The following DIAPH2 variants were observed in gnomAD, a reference collection of about 807,000 sequenced individuals.
DIAPH2 encodes the protein protein diaphanous homolog 2.
DIAPH2 carries 35 observed loss-of-function variants against 92.7 expected under a neutral mutation model. That is an observed-to-expected ratio of 0.38 (90% CI 0.29 to 0.50). The LOEUF is 0.50. DIAPH2 is among the 20% of genes least tolerant of loss of function. The pLI is 0.94. For synonymous variants in DIAPH2, 301 were observed against 280.4 expected, an observed-to-expected ratio of 1.07 and a Z score of -0.73; for missense variants, 701 against 819.5, an observed-to-expected ratio of 0.86 and a Z score of 1.77.
intron 26 of DIAPH2, chrX:97,449,799 G>C: frequency 4.9e-6 from 1 of 202,119 alleles, no homozygotes; most frequent in Non-Finnish European, 7.4e-6. Flanking sequence ...ATTGTGCCGT[G>C]GGTTAGCACT....
chrX:97,232,387 G>A (rs1036806623), intron 22 of DIAPH2, among the ~76,000 whole-genome samples: 8 of 111,010 alleles, frequency 7.2e-5, no homozygotes, highest in Non-Finnish European at 1.5e-4. Context: ...GGCGTGTGCC[G>A]TCACACCTGG....
intron 20 of DIAPH2, among the ~76,000 whole-genome samples, chrX:97,110,109 C>T (rs2066969098): frequency 8.9e-6 from 1 of 111,971 alleles, no homozygotes; most frequent in African/African-American, 3.2e-5. Flanking sequence ...AATTGTCCTA[C>T]TTGGGAAAAG....
chrX:97,234,140 A>G (rs898035193), intron 22 of DIAPH2, among the ~76,000 whole-genome samples: 2 of 98,910 alleles, frequency 2.0e-5, no homozygotes, highest in South Asian at 5.1e-4. Context: ...CCTGACCAAC[A>G]TGGAGAAACC....
At chrX:97,167,162 C>T (rs181781571) in intron 22 of DIAPH2, among the ~76,000 whole-genome samples, 11 of 111,285 alleles carry the variant, frequency 9.9e-5, no homozygotes, top group Non-Finnish European at 1.3e-4. Flanking sequence ...ACAAAGCTGA[C>T]GAGAACAATG....
chrX:97,583,822 C>T (rs945384229), intron 26 of DIAPH2, among the ~76,000 whole-genome samples: 14 of 111,701 alleles, frequency 1.3e-4, no homozygotes, highest in South Asian at 3.9e-4. Flanking sequence ...TAGCAATCAG[C>T]GAGACTCGGT....
At chrX:97,139,145 C>T (rs2067192654) in intron 21 of DIAPH2, among the ~76,000 whole-genome samples, 1 of 109,992 alleles carries the variant, frequency 9.1e-6, no homozygotes, top group Admixed American at 9.8e-5. Flanking sequence ...ATGTCTTTAA[C>T]CAGTAGAACT....
At chrX:96,860,783 A>G (rs989688419) in intron 4 of DIAPH2, among the ~76,000 whole-genome samples, 2 of 111,597 alleles carry the variant, frequency 1.8e-5, no homozygotes, top group African/African-American at 6.5e-5. Flanking sequence ...TAGAAAATGA[A>G]AACATTCCTC....
At chrX:97,095,408 G>A (rs1368139469) in intron 19 of DIAPH2, among the ~76,000 whole-genome samples, 5 of 107,627 alleles carry the variant, frequency 4.6e-5, no homozygotes, top group South Asian at 4.0e-4. Context: ...GAGCCACCGC[G>A]CCCGGCCAAG....
intron 3 of DIAPH2, among the ~76,000 whole-genome samples, chrX:96,757,639 A>G (rs1261236069): frequency 1.8e-5 from 2 of 112,252 alleles, no homozygotes; most frequent in Middle Eastern, 4.2e-3. Context: ...TATTACCGCA[A>G]TACCGCTGTT....
intron 1 of DIAPH2, among the ~76,000 whole-genome samples, chrX:96,711,485 A>C (rs1444472476): frequency 4.5e-5 from 5 of 111,651 alleles, no homozygotes; most frequent in African/African-American, 1.6e-4. Context: ...TCTTTTGAGA[A>C]TTGTCTATTT....
chrX:97,381,704 G>A (rs1261249837), intron 24 of DIAPH2, among the ~76,000 whole-genome samples: 2 of 111,593 alleles, frequency 1.8e-5, no homozygotes, highest in South Asian at 3.7e-4. Context: ...GTAGCTTTGG[G>A]TATGTCACTT....
intron 23 of DIAPH2, among the ~76,000 whole-genome samples, chrX:97,292,745 T>C (rs1400699735): frequency 9.0e-6 from 1 of 110,884 alleles, no homozygotes; most frequent in African/African-American, 3.3e-5. Context: ...AACTAGCTCA[T>C]ACAGCTCCTC....
At chrX:96,730,361 C>T (rs1210322358) in intron 1 of DIAPH2, among the ~76,000 whole-genome samples, 3 of 111,656 alleles carry the variant, frequency 2.7e-5, no homozygotes, top group Non-Finnish European at 5.6e-5. Context: ...AATGCCTGAA[C>T]AGAATGTTCA....
At chrX:96,889,575 A>G (rs1295218463) in intron 5 of DIAPH2, among the ~76,000 whole-genome samples, 2 of 112,341 alleles carry the variant, frequency 1.8e-5, no homozygotes, top group African/African-American at 6.5e-5. Flanking sequence ...GGATAATCCT[A>G]CAAAGGAATA....
intron 4 of DIAPH2, among the ~76,000 whole-genome samples, chrX:96,801,753 A>G (rs1192274888): frequency 1.8e-5 from 2 of 111,862 alleles, no homozygotes; most frequent in Admixed American, 9.5e-5. Flanking sequence ...ATATTTCTAA[A>G]ATAATAATCT....
At chrX:96,761,357 T>A (rs1000821560) in intron 4 of DIAPH2, among the ~76,000 whole-genome samples, 1 of 109,965 alleles carries the variant, frequency 9.1e-6, no homozygotes, top group African/African-American at 3.3e-5. Flanking sequence ...TTTTTTTTTT[T>A]AATCTCAGTA....
At chrX:97,361,867 T>G (rs1301671058) in intron 24 of DIAPH2, among the ~76,000 whole-genome samples, 1 of 111,968 alleles carries the variant, frequency 8.9e-6, no homozygotes, top group African/African-American at 3.2e-5. Flanking sequence ...TCCAGGATTG[T>G]GCCACATGCC....
At chrX:97,225,218 G>A (rs1428868954) in intron 22 of DIAPH2, among the ~76,000 whole-genome samples, 6 of 111,225 alleles carry the variant, frequency 5.4e-5, no homozygotes, top group Non-Finnish European at 9.4e-5. Flanking sequence ...TTAGGTGTGC[G>A]TAAACAAACT....
intron 23 of DIAPH2, among the ~76,000 whole-genome samples, chrX:97,281,928 G>A (rs1425010996): frequency 5.4e-5 from 6 of 110,782 alleles, no homozygotes; most frequent in African/African-American, 9.8e-5. Context: ...ATTGGCACTG[G>A]GTATACACTT....
Sources: allele counts gnomAD v4.1 joint callset (sites outside exome capture counted in the v4.1 genomes callset), GRCh38; gene constraint gnomAD v4.1.1; transcripts MANE v1.5; gene names NCBI Gene and HGNC (gene_info 2026-07-23, HGNC 2026-07-21).